CACNA2D3: variants seen among roughly 807,000 people sequenced by gnomAD.
CACNA2D3 encodes the protein voltage-dependent calcium channel subunit alpha-2/delta-3.
Under a neutral mutation model 160.6 loss-of-function variants are expected in CACNA2D3, and 60 were observed. The ratio of observed to expected loss-of-function variants is 0.37; its 90% CI spans 0.30 to 0.46. CACNA2D3 has a LOEUF of 0.46. CACNA2D3 is among the 20% of genes least tolerant of loss of function. The probability of loss-of-function intolerance (pLI) is 1.00; values close to 1 mark genes in which losing one functional copy is unlikely to be tolerated. For synonymous variants in CACNA2D3, 558 were observed against 492.9 expected, an observed-to-expected ratio of 1.13 and a Z score of -1.75; for missense variants, 1,205 against 1,365.0, an observed-to-expected ratio of 0.88 and a Z score of 1.85.
At chr3:54,491,030 C>T (rs1045089578) in intron 4 of CACNA2D3, among the ~76,000 whole-genome samples, 18 of 152,168 alleles carry the variant, frequency 1.2e-4, no homozygotes, top group African/African-American at 3.4e-4. Context: ...ATACGTATCT[C>T]ATTATCCTAT....
chr3:55,042,642 C>T (rs542554503), intron 35 of CACNA2D3, among the ~76,000 whole-genome samples: 2 of 152,196 alleles, frequency 1.3e-5, no homozygotes, highest in African/African-American at 2.4e-5. Context: ...TTTCAATTTA[C>T]TCGTGATAAA....
intron 5 of CACNA2D3, among the ~76,000 whole-genome samples, chr3:54,544,444 T>C (rs936754386): frequency 1.3e-5 from 2 of 152,048 alleles, no homozygotes; most frequent in African/African-American, 4.8e-5. Flanking sequence ...TATTCTGTTA[T>C]CAAGACTGGA....
intron 2 of CACNA2D3, among the ~76,000 whole-genome samples, chr3:54,221,064 TGCCAGGCACAG>T (rs1701558778): frequency 6.6e-6 from 1 of 152,206 alleles, no homozygotes; most frequent in Admixed American, 6.5e-5. Context: ...GTCTCCTCCA[TGCCAGGCACAG>T]GCAAAGCGCT....
At chr3:54,798,094 A>G (rs1028387685) in intron 13 of CACNA2D3, among the ~76,000 whole-genome samples, 3 of 152,234 alleles carry the variant, frequency 2.0e-5, no homozygotes, top group Non-Finnish European at 4.4e-5. Context: ...TTATAAAGTT[A>G]TCAAATATTA....
At chr3:54,413,686 A>T (rs929067120) in intron 4 of CACNA2D3, among the ~76,000 whole-genome samples, 2 of 151,192 alleles carry the variant, frequency 1.3e-5, no homozygotes, top group African/African-American at 4.8e-5. Flanking sequence ...TTCCATTAAA[A>T]TCATTTAGTG....
intron 11 of CACNA2D3, among the ~76,000 whole-genome samples, chr3:54,689,957 T>G (rs754679991): frequency 6.6e-6 from 1 of 152,122 alleles, no homozygotes; most frequent in Non-Finnish European, 1.5e-5. Context: ...CCATGTCTCT[T>G]TCCTTTCATT....
At chr3:54,128,830 TA>T (rs1699649339) in intron 2 of CACNA2D3, among the ~76,000 whole-genome samples, 1 of 152,234 alleles carries the variant, frequency 6.6e-6, no homozygotes. Flanking sequence ...AAACAGATGT[TA>T]TAAAATGCCA....
At chr3:55,050,285 G>A (rs550655469) in intron 35 of CACNA2D3, among the ~76,000 whole-genome samples, 18 of 151,772 alleles carry the variant, frequency 1.2e-4, no homozygotes, top group Non-Finnish European at 2.2e-4. Context: ...AGGAGCTCTT[G>A]TAAGGCAGGC....
chr3:54,546,718 A>G (rs1702071774), intron 5 of CACNA2D3, among the ~76,000 whole-genome samples: 1 of 118,386 alleles, frequency 8.4e-6, no homozygotes, highest in African/African-American at 2.9e-5. Context: ...ACGCGCGCAC[A>G]CACACACACA....
chr3:54,286,264 G>A (rs1263999307), intron 2 of CACNA2D3, among the ~76,000 whole-genome samples: 3 of 152,190 alleles, frequency 2.0e-5, no homozygotes, highest in African/African-American at 7.2e-5. Context: ...GCCAAGGCTC[G>A]AGAACTACGT....
intron 4 of CACNA2D3, among the ~76,000 whole-genome samples, chr3:54,423,453 C>T (rs1281471926): frequency 1.3e-5 from 2 of 152,188 alleles, no homozygotes; most frequent in Admixed American, 1.3e-4. Context: ...CTCTCCTTTG[C>T]ACCCTCAGCC....
At chr3:54,150,092 T>C (rs1700118827) in intron 2 of CACNA2D3, among the ~76,000 whole-genome samples, 1 of 151,096 alleles carries the variant, frequency 6.6e-6, no homozygotes, top group Non-Finnish European at 1.5e-5. Context: ...TTTGACCTTC[T>C]CTGGGGAAGT....
chr3:54,384,783 G>C (rs1381212211), intron 3 of CACNA2D3, among the ~76,000 whole-genome samples: 1 of 150,776 alleles, frequency 6.6e-6, no homozygotes, highest in Admixed American at 6.6e-5. Context: ...GCAGTGGTGT[G>C]ATCTCGGCTC....
At chr3:54,347,197 T>C (rs1698475037) in intron 3 of CACNA2D3, among the ~76,000 whole-genome samples, 1 of 152,178 alleles carries the variant, frequency 6.6e-6, no homozygotes, top group Non-Finnish European at 1.5e-5. Context: ...CAGATGTTGT[T>C]ATTACCCCTT....
intron 2 of CACNA2D3, among the ~76,000 whole-genome samples, chr3:54,235,121 G>A (rs1701849201): frequency 1.3e-5 from 2 of 152,154 alleles, no homozygotes; most frequent in African/African-American, 4.8e-5. Context: ...TGAGGGCAGG[G>A]AATTTATGAG....
rs199791428 is a variant in CACNA2D3 at position 54,154,226 on chromosome 3, AAG to A, written c.204+30636_204+30637del. ...TACTATGTATCAAGTTTTTTTAAAA[AAG>A]AGAAAAAACATAGCCAATACTTGTC... On this transcript the variant is annotated intron_variant, in intron 2 of 37. Transcript: ENST00000474759. 3.5e-3 allele frequency among the ~76,000 whole-genome samples: 533 copies of A among 152,332 alleles called. 7 individuals are homozygous for A. The highest frequency in any genetic ancestry group is 0.019 in the East Asian group (100 of 5,186).
At chr3:55,031,358 C>G (rs1199528713) in intron 35 of CACNA2D3, among the ~76,000 whole-genome samples, 1 of 152,096 alleles carries the variant, frequency 6.6e-6, no homozygotes, top group Non-Finnish European at 1.5e-5. Context: ...AGCTTGCCCT[C>G]CATTTGTTCA....
chr3:54,139,189 G>C (rs1312140840), intron 2 of CACNA2D3, among the ~76,000 whole-genome samples: 1 of 152,252 alleles, frequency 6.6e-6, no homozygotes, highest in Non-Finnish European at 1.5e-5. Context: ...GTTCCACCAT[G>C]AGATGGGTGG....
chr3:54,690,893 G>C (rs569120853), intron 11 of CACNA2D3, among the ~76,000 whole-genome samples: 1 of 152,282 alleles, frequency 6.6e-6, no homozygotes, highest in South Asian at 2.1e-4. Flanking sequence ...CTGAGGGGTA[G>C]TGCAGCAAAG....
Sources: gnomAD v4.1 joint callset for allele counts (sites outside exome capture counted in the v4.1 genomes callset) on GRCh38, gnomAD v4.1.1 for gene constraint, MANE v1.5 for transcripts, NCBI Gene and HGNC (gene_info 2026-07-23, HGNC 2026-07-21) for gene names.